Variants in DGKB observed in about 807,000 individuals in gnomAD.
DGKB encodes 90 kDa diacylglycerol kinase.
A neutral mutation model predicts 114.3 loss-of-function variants in DGKB; 67 were observed. That is an observed-to-expected ratio of 0.59 (90% confidence interval 0.48 to 0.72). The LOEUF is 0.72. Ranked by LOEUF, DGKB falls within the 30% of genes least tolerant of loss-of-function variation. DGKB has a pLI of 0.00. For synonymous variants in DGKB, 398 were observed against 323.1 expected, an observed-to-expected ratio of 1.23 and a Z score of -2.49; for missense variants, 907 against 975.2, an observed-to-expected ratio of 0.93 and a Z score of 0.93.
At chr7:14,743,178 A>G (rs868087155) in intron 4 of DGKB, among the ~76,000 whole-genome samples, 10 of 152,172 alleles carry the variant, frequency 6.6e-5, no homozygotes, top group South Asian at 2.1e-4. Context: ...TCATTAGAAA[A>G]TTGGGATTAA....
chr7:14,577,708 G>A (rs1017166854), intron 19 of DGKB, among the ~76,000 whole-genome samples: 3 of 152,078 alleles, frequency 2.0e-5, no homozygotes, highest in African/African-American at 7.2e-5. Context: ...TTTGTTAAGA[G>A]AGACTAATGA....
At chr7:14,685,403 T>A in intron 9 of DGKB, 41 bp from the exon 10 acceptor site, 1 of 1,420,020 alleles carries the variant, frequency 7.0e-7, no homozygotes, top group South Asian at 1.2e-5. Flanking sequence ...CTTAATGAAA[T>A]AAACAGTGAA....
At chr7:14,820,547 T>C (rs944964608) in intron 2 of DGKB, among the ~76,000 whole-genome samples, 3 of 152,210 alleles carry the variant, frequency 2.0e-5, no homozygotes, top group Non-Finnish European at 4.4e-5. Flanking sequence ...TTTTACCATT[T>C]ATAGTTTCCA....
intron 21 of DGKB, among the ~76,000 whole-genome samples, chr7:14,469,650 A>C (rs531320436): frequency 6.6e-6 from 1 of 152,164 alleles, no homozygotes; most frequent in African/African-American, 2.4e-5. Flanking sequence ...AACCCCCTGC[A>C]TGAGAACACA....
rs1416192124 is a variant in DGKB at position 14,737,036 on chromosome 7, A to C, written c.169-842T>G. 4.6e-5 allele frequency among the ~76,000 whole-genome samples: 7 copies of C among 152,310 alleles called. 1 individual carries two copies. The highest frequency in any genetic ancestry group is 4.6e-4 in the Admixed American group (7 of 15,306). On this transcript the variant is annotated intron_variant, in intron 4 of 25. Coordinates refer to ENST00000402815, the MANE Select transcript of DGKB (RefSeq NM_001350709.2). ...GGTGCTTTGGGGACAAAGGCAAGAA[A>C]ATGGTACTATTTTAAGTTGGCCAAA...
chr7:14,474,071 G>A (rs575467830), intron 21 of DGKB, among the ~76,000 whole-genome samples: 2 of 152,280 alleles, frequency 1.3e-5, no homozygotes, highest in South Asian at 4.1e-4. Flanking sequence ...TGAAATATGA[G>A]GACATGAGAT....
intron 1 of DGKB, among the ~76,000 whole-genome samples, chr7:14,969,285 G>A (rs1361041453): frequency 2.6e-5 from 4 of 152,188 alleles, no homozygotes; most frequent in Non-Finnish European, 5.9e-5. Flanking sequence ...AAAGAAGGGT[G>A]ATTGCAGATA....
chr7:14,316,423 T>G (rs1806537983), intron 23 of DGKB, among the ~76,000 whole-genome samples: 3 of 120,834 alleles, frequency 2.5e-5, no homozygotes, highest in African/African-American at 9.7e-5. Context: ...AAGAATCAAA[T>G]AGACGCAATA....
At chr7:14,259,587 C>T (rs965797635) in intron 23 of DGKB, among the ~76,000 whole-genome samples, 48 of 152,148 alleles carry the variant, frequency 3.2e-4, no homozygotes, top group Non-Finnish European at 6.8e-4. Context: ...CCACCACATC[C>T]GGCTAATTTT....
In DGKB at chr7:14,149,148, T is replaced by C. The variant is rs779885050; in HGVS notation, c.2395A>G (p.Asn799Asp). ...LFCSLVKRTRNRSKE is the reference protein window; with the variant it reads ...LFCSLVKRTRDRSKE The stretch of plus-strand genomic sequence containing the variant: ...ACACAGGATTATTCCTTGCTTCGGT[T>C]TCTTGTCCTTTTGACGAGGGAGCAG... Residue 799 changes from asparagine to aspartate, a missense_variant, in exon 26 of 26, where the codon AAC becomes GAC. Asn to Asp is a conservative substitution (Grantham distance 23, BLOSUM62 1). Around this residue, in one of 3 missense-constraint regions of DGKB, gnomAD observed 58 missense variants for 52.5 expected, o/e 1.10. Coordinates refer to ENST00000402815, the MANE Select transcript of DGKB (RefSeq NM_001350709.2). 6.2e-7 allele frequency: 1 copy of C among 1,613,552 alleles called. No individual in the cohort carries two copies. The highest frequency in any genetic ancestry group is 8.5e-7 in the Non-Finnish European group (1 of 1,179,524).
chr7:14,674,379 C>T (rs548206671), intron 12 of DGKB, among the ~76,000 whole-genome samples: 1 of 152,068 alleles, frequency 6.6e-6, no homozygotes, highest in African/African-American at 2.4e-5. Context: ...ATACTCAGAG[C>T]AAATTAAAAG....
At chr7:14,238,953 T>C (rs1014731479) in intron 23 of DGKB, among the ~76,000 whole-genome samples, 2 of 152,080 alleles carry the variant, frequency 1.3e-5, no homozygotes, top group East Asian at 1.9e-4. Context: ...ACAATGATTA[T>C]GTTACAGTGA....
At position 14,418,361 on chromosome 7, in the gene DGKB, ATG is replaced by A. The variant is rs1170054869; in HGVS notation, c.1835+59798_1835+59799del. Among the ~76,000 whole-genome samples the A allele has an allele frequency of 4.0e-5, 4 of 100,656 alleles. No homozygotes were observed. In the South Asian group the frequency reaches 1.0e-3, roughly 26 times the overall value. 66.0% of individuals were successfully genotyped at this position (100,656 alleles called of 152,430 possible). A position where few individuals can be genotyped will look rare whatever the true frequency, so the allele number is the denominator to read the frequency against. ...TACACACACATATATTCACATATAT[ATG>A]TGTGTGTGTATATATATATATATAT... On this transcript the variant is annotated intron_variant, in intron 21 of 25. Coordinates refer to ENST00000402815, the MANE Select transcript of DGKB (RefSeq NM_001350709.2).
chr7:14,883,680 C>T (rs1470011980), intron 1 of DGKB, among the ~76,000 whole-genome samples: 1 of 151,708 alleles, frequency 6.6e-6, no homozygotes, highest in African/African-American at 2.4e-5. Flanking sequence ...TTTTTCGGAA[C>T]CTTTATGAAA....
At chr7:14,498,715 A>G (rs1785671980) in intron 20 of DGKB, among the ~76,000 whole-genome samples, 1 of 151,788 alleles carries the variant, frequency 6.6e-6, no homozygotes, top group Admixed American at 6.6e-5. Context: ...AGGAAGGAAA[A>G]GAGAATCCAA....
chr7:14,758,928 G>GATAGATAGATAC lies in DGKB; in HGVS notation c.71-1198_71-1197insGTATCTATCTAT, dbSNP rs376591211. On this transcript the variant is annotated intron_variant, in intron 2 of 25. Transcript: ENST00000402815. ...AGATAGATAGATAGATAGATAGATA[G>GATAGATAGATAC]ATAGATACATAGATAGATAGAGTTT... Among the ~76,000 whole-genome samples, 1,287 of 146,874 alleles carry GATAGATAGATAC rather than the reference G, an allele frequency of 8.8e-3. 18 individuals carry two copies. The highest frequency in any genetic ancestry group is 0.029 in the African/African-American group (1,162 of 39,528).
intron 1 of DGKB, among the ~76,000 whole-genome samples, chr7:14,918,096 T>C (rs1784328073): frequency 1.3e-5 from 2 of 152,048 alleles, no homozygotes; most frequent in African/African-American, 2.4e-5. Flanking sequence ...AGGAGAGAAA[T>C]TCCCCTATTT....
At chr7:14,927,338 A>C (rs952660463) in intron 1 of DGKB, among the ~76,000 whole-genome samples, 1 of 151,984 alleles carries the variant, frequency 6.6e-6, no homozygotes, top group Non-Finnish European at 1.5e-5. Context: ...TCATTGATTT[A>C]AGTTTGAAAC....
chr7:14,972,492 G>C (rs1787529296), intron 1 of DGKB, among the ~76,000 whole-genome samples: 1 of 151,984 alleles, frequency 6.6e-6, no homozygotes, highest in Non-Finnish European at 1.5e-5. Flanking sequence ...TTCTCTTTCT[G>C]TCTTGCTATA....
Sources: gnomAD v4.1 joint callset for allele counts (sites outside exome capture counted in the v4.1 genomes callset) on GRCh38, gnomAD v4.1.1 for gene constraint, gnomAD v4.1.1 regional missense constraint, MANE v1.5 for transcripts, NCBI Gene and HGNC (gene_info 2026-07-23, HGNC 2026-07-21) for gene names.